Variants in CPQ observed in about 807,000 individuals in gnomAD.
The protein encoded by CPQ is Ser-Met dipeptidase.
A neutral mutation model predicts 45.7 loss-of-function variants in CPQ; 37 were observed. That is an observed-to-expected ratio of 0.81 (90% CI 0.62 to 1.07). CPQ has a LOEUF of 1.07. CPQ is among the 50% of genes least tolerant of loss of function. The pLI, the probability that CPQ is intolerant of heterozygous loss-of-function variation, is 0.00. For synonymous variants in CPQ, 186 were observed against 205.8 expected (o/e 0.90, Z 0.82); for missense variants, 537 against 572.9 (o/e 0.94, Z 0.64).
chr8:96,711,969 A>G lies in CPQ; in HGVS notation c.-35+66567A>G, dbSNP rs576330829. ...CTATTAGCCTGTAAAATTGAAAGCAAGTTAATTACTTACTAGATACAATGG... is the reference window on the plus strand; with the variant it reads ...CTATTAGCCTGTAAAATTGAAAGCAGGTTAATTACTTACTAGATACAATGG... On this transcript the variant is annotated intron_variant, in intron 1 of 7. Coordinates refer to ENST00000220763, the MANE Select transcript of CPQ (RefSeq NM_016134.4). 1.3e-4 allele frequency among the ~76,000 whole-genome samples: 20 copies of G among 152,306 alleles called. No individual in the cohort carries two copies. The South Asian group carries it at 4.1e-3, about 32-fold the overall frequency.
intron 1 of CPQ, among the ~76,000 whole-genome samples, chr8:96,706,707 G>A (rs148363762): frequency 6.8e-4 from 103 of 152,124 alleles, no homozygotes; most frequent in African/African-American, 2.4e-3. Flanking sequence ...TACATTTTCC[G>A]GTTTCATTAT....
chr8:96,754,699 C>T (rs557687740), intron 1 of CPQ, among the ~76,000 whole-genome samples: 3 of 151,810 alleles, frequency 2.0e-5, no homozygotes, highest in Non-Finnish European at 4.4e-5. Flanking sequence ...TTTGTTAAAA[C>T]GTGATTGTGA....
chr8:96,676,476 G>T (rs1342920461), intron 1 of CPQ, among the ~76,000 whole-genome samples: 3 of 151,950 alleles, frequency 2.0e-5, no homozygotes, highest in African/African-American at 7.2e-5. Context: ...TGCTGCAAAT[G>T]ACAGTATATC....
intron 4 of CPQ, among the ~76,000 whole-genome samples, chr8:96,929,567 A>G (rs192601492): frequency 6.6e-6 from 1 of 152,300 alleles, no homozygotes; most frequent in African/African-American, 2.4e-5. Flanking sequence ...ATCCATTTAG[A>G]TACTCTCACG....
At chr8:97,114,826 CA>C (rs1298370871) in intron 7 of CPQ, among the ~76,000 whole-genome samples, 10 of 152,186 alleles carry the variant, frequency 6.6e-5, no homozygotes, top group Non-Finnish European at 1.5e-4. Context: ...CCTTTAAAAA[CA>C]ATGCCCTCAT....
At chr8:96,757,202 T>TTAGC (rs917380069) in intron 1 of CPQ, among the ~76,000 whole-genome samples, 1 of 151,744 alleles carries the variant, frequency 6.6e-6, no homozygotes, top group Admixed American at 6.6e-5. Flanking sequence ...ACAAAAATAC[T>TTAGC]TAGCTGGGCG....
chr8:97,081,143 TATC>T (rs1313638135), intron 7 of CPQ, among the ~76,000 whole-genome samples: 2 of 152,190 alleles, frequency 1.3e-5, no homozygotes, highest in Non-Finnish European at 2.9e-5. Context: ...TTATTATAAA[TATC>T]ATGTTTGAAA....
At chr8:97,097,826 G>C (rs575357784) in intron 7 of CPQ, among the ~76,000 whole-genome samples, 1 of 151,788 alleles carries the variant, frequency 6.6e-6, no homozygotes, top group Admixed American at 6.6e-5. Flanking sequence ...GAGAGAGAAA[G>C]AAAGAACATG....
intron 4 of CPQ, among the ~76,000 whole-genome samples, chr8:96,923,553 T>A (rs1812836045): frequency 6.6e-6 from 1 of 152,194 alleles, no homozygotes; most frequent in Admixed American, 6.5e-5. Flanking sequence ...ACACTCTTCT[T>A]TGTCCATCTA....
chr8:96,741,391 G>A (rs1246831793), intron 1 of CPQ, among the ~76,000 whole-genome samples: 2 of 152,100 alleles, frequency 1.3e-5, no homozygotes, highest in Non-Finnish European at 2.9e-5. Context: ...CTTGCTAGCG[G>A]TCTATCAATT....
intron 3 of CPQ, among the ~76,000 whole-genome samples, chr8:96,855,885 T>C (rs1365996525): frequency 6.6e-6 from 1 of 152,044 alleles, no homozygotes; most frequent in Non-Finnish European, 1.5e-5. Flanking sequence ...TCAGCTTGGA[T>C]TGAAGGATGA....
intron 4 of CPQ, among the ~76,000 whole-genome samples, chr8:96,938,074 CA>C (rs762831356): frequency 3.3e-5 from 5 of 152,128 alleles, no homozygotes; most frequent in Non-Finnish European, 7.4e-5. Context: ...ATGTAAAGGC[CA>C]AAACATTAAT....
At chr8:96,809,573 C>G (rs1019681217) in intron 2 of CPQ, among the ~76,000 whole-genome samples, 1 of 152,010 alleles carries the variant, frequency 6.6e-6, no homozygotes, top group African/African-American at 2.4e-5. Context: ...TAGTGGTTTT[C>G]AGGGGCCGGG....
intron 3 of CPQ, among the ~76,000 whole-genome samples, chr8:96,867,847 T>C (rs537330328): frequency 9.2e-5 from 14 of 152,162 alleles, no homozygotes; most frequent in African/African-American, 3.4e-4. Context: ...TTTTATGGTG[T>C]CCAGTTTCAG....
At chr8:96,913,323 C>T (rs998273597) in intron 4 of CPQ, among the ~76,000 whole-genome samples, 2 of 152,202 alleles carry the variant, frequency 1.3e-5, no homozygotes. Context: ...TGAAGTCTTG[C>T]TAATCCAAAC....
chr8:96,958,678 T>G (rs939607272), intron 4 of CPQ, among the ~76,000 whole-genome samples: 1 of 152,168 alleles, frequency 6.6e-6, no homozygotes, highest in African/African-American at 2.4e-5. Flanking sequence ...GTCCTTCTTG[T>G]TTTATCCTGA....
rs547022004 is a variant in CPQ, at chr8:96,647,881, AGT to A, written c.-35+2481_-35+2482del. 2.7e-3 allele frequency among the ~76,000 whole-genome samples: 404 copies of A among 152,338 alleles called. 2 individuals carry two copies. Among genetic ancestry groups the A allele is most frequent in the African/African-American group, 9.3e-3 (388 of 41,578 alleles). ...ATGAGTGACATCGACAGCTGCCATC[AGT>A]GAATGGCACTTAAGGGCTTTGAACC... On this transcript the variant is annotated intron_variant, in intron 1 of 7. Coordinates refer to ENST00000220763, the MANE Select transcript of CPQ (RefSeq NM_016134.4).
chr8:97,062,705 T>A (rs1033245742), intron 6 of CPQ, among the ~76,000 whole-genome samples: 3 of 152,182 alleles, frequency 2.0e-5, no homozygotes, highest in Non-Finnish European at 4.4e-5. Flanking sequence ...AACTCCCACT[T>A]ATAAGTGAGA....
chr8:97,130,967 G>T (rs75342543), intron 7 of CPQ, among the ~76,000 whole-genome samples: 643 of 152,242 alleles, frequency 4.2e-3, no homozygotes, highest in Non-Finnish European at 7.9e-3. Flanking sequence ...CTGCCAAATG[G>T]GACGCTGCCA....
Sources: gnomAD v4.1 joint callset for allele counts (sites outside exome capture counted in the v4.1 genomes callset) on GRCh38, gnomAD v4.1.1 for gene constraint, MANE v1.5 for transcripts, NCBI Gene and HGNC (gene_info 2026-07-23, HGNC 2026-07-21) for gene names.